Variants in PRDM16 observed in about 807,000 individuals in gnomAD.
The protein encoded by PRDM16 is histone-lysine N-methyltransferase PRDM16.
In PRDM16, 23 loss-of-function variants were observed where a neutral mutation model predicts 110.6. That is an observed-to-expected ratio of 0.21 (90% CI 0.15 to 0.29). The LOEUF (loss-of-function observed/expected upper bound fraction) is 0.29. Ranked by LOEUF, PRDM16 falls within the 10% of genes least tolerant of loss-of-function variation. The pLI, the probability that PRDM16 is intolerant of heterozygous loss-of-function variation, is 1.00. For missense variants in PRDM16, 1,615 were observed against 1,794.3 expected, an observed-to-expected ratio of 0.90 and a Z score of 1.81; for synonymous variants, 799 against 781.8, an observed-to-expected ratio of 1.02 and a Z score of -0.37.
intron 3 of PRDM16, among the ~76,000 whole-genome samples, chr1:3,275,388 T>G (rs1244912879): frequency 6.6e-6 from 1 of 152,220 alleles, no homozygotes; most frequent in Admixed American, 6.5e-5. Flanking sequence ...CCTTCCTGCC[T>G]GCCTGTCTCT....
chr1:3,388,335 A>G (rs1345960761), intron 4 of PRDM16, among the ~76,000 whole-genome samples: 1 of 152,030 alleles, frequency 6.6e-6, no homozygotes, highest in Non-Finnish European at 1.5e-5. Flanking sequence ...AAGATTGCAC[A>G]CACACCCCCA....
chr1:3,071,377 G>C lies in PRDM16; in HGVS notation c.37+2081G>C, dbSNP rs889023831. Reference sequence around the variant, plus strand: ...GAGAGCCGGGCCCAGCGGGAGCGCCGAGCGCTGGCTTCCTTTTCCCGAGAG... The same window carrying C: ...GAGAGCCGGGCCCAGCGGGAGCGCCCAGCGCTGGCTTCCTTTTCCCGAGAG... On this transcript the variant is annotated intron_variant, in intron 1 of 16. Transcript: ENST00000270722. Among the ~76,000 whole-genome samples the C allele has an allele frequency of 2.0e-5, 3 of 152,374 alleles. No homozygotes were observed. The South Asian group carries it at 6.2e-4, about 32-fold the overall frequency.
intron 12 of PRDM16, among the ~76,000 whole-genome samples, chr1:3,422,276 C>G (rs1638460229): frequency 6.6e-6 from 1 of 150,608 alleles, no homozygotes; most frequent in Non-Finnish European, 1.5e-5. Context: ...GGTGGACAGA[C>G]AGATGGACAG....
At chr1:3,173,045 G>A (rs1328198911) in intron 1 of PRDM16, among the ~76,000 whole-genome samples, 1 of 152,228 alleles carries the variant, frequency 6.6e-6, no homozygotes, top group Non-Finnish European at 1.5e-5. Context: ...CCTGGTATTT[G>A]AGGGGTCCAG....
intron 3 of PRDM16, among the ~76,000 whole-genome samples, chr1:3,276,670 A>AACAGAGCCAGCGAGG (rs1640589764): frequency 1.4e-5 from 2 of 143,862 alleles, no homozygotes; most frequent in Admixed American, 6.8e-5. Context: ...AGCCAGCTCG[A>AACAGAGCCAGCGAGG]GGTGCCGTGA....
At chr1:3,393,085 A>C (rs1371134859) in intron 4 of PRDM16, among the ~76,000 whole-genome samples, 3 of 152,250 alleles carry the variant, frequency 2.0e-5, no homozygotes, top group African/African-American at 7.2e-5. Flanking sequence ...CATTTACAGC[A>C]GACATTTATT....
At chr1:3,120,359 G>A (rs1034321501) in intron 1 of PRDM16, among the ~76,000 whole-genome samples, 4 of 152,166 alleles carry the variant, frequency 2.6e-5, no homozygotes, top group South Asian at 4.1e-4. Flanking sequence ...GGTCGTCACC[G>A]CAGAAGGGAG....
intron 2 of PRDM16, among the ~76,000 whole-genome samples, chr1:3,222,678 C>T (rs952861596): frequency 3.3e-5 from 5 of 152,340 alleles, no homozygotes; most frequent in East Asian, 1.9e-4. Context: ...GACTCTGGGG[C>T]GGACTGGGCA....
At chr1:3,415,838 G>A (rs1005265602) in intron 10 of PRDM16, among the ~76,000 whole-genome samples, 6 of 152,218 alleles carry the variant, frequency 3.9e-5, no homozygotes, top group African/African-American at 7.2e-5. Context: ...ATGGTCTAAG[G>A]TTGGGCTGTC....
intron 3 of PRDM16, among the ~76,000 whole-genome samples, chr1:3,304,688 C>T (rs1641274413): frequency 6.6e-6 from 1 of 152,282 alleles, no homozygotes; most frequent in African/African-American, 2.4e-5. Flanking sequence ...AGGGCAGTGT[C>T]GGTGTCTCTG....
At chr1:3,366,474 T>C (rs1483399744) in intron 3 of PRDM16, among the ~76,000 whole-genome samples, 2 of 152,220 alleles carry the variant, frequency 1.3e-5, no homozygotes, top group Non-Finnish European at 2.9e-5. Context: ...CGACCAGGGC[T>C]GTGCAGCGGG....
chr1:3,144,658 C>T (rs1643612227), intron 1 of PRDM16, among the ~76,000 whole-genome samples: 1 of 152,338 alleles, frequency 6.6e-6, no homozygotes, highest in African/African-American at 2.4e-5. Context: ...GGAGAGGAAA[C>T]CAAGGCGTGG....
chr1:3,172,773 G>C (rs1644040556), intron 1 of PRDM16, among the ~76,000 whole-genome samples: 1 of 152,322 alleles, frequency 6.6e-6, no homozygotes, highest in East Asian at 1.9e-4. Context: ...GTAGAATGGT[G>C]GCTGCCGGGG....
intron 3 of PRDM16, among the ~76,000 whole-genome samples, chr1:3,293,817 T>C (rs1221764487): frequency 6.6e-6 from 1 of 152,186 alleles, no homozygotes; most frequent in East Asian, 1.9e-4. Flanking sequence ...GGCTTCTCCA[T>C]CTCCTGGTGA....
intron 2 of PRDM16, among the ~76,000 whole-genome samples, chr1:3,200,241 G>A (rs920681351): frequency 3.3e-5 from 5 of 152,258 alleles, no homozygotes; most frequent in Non-Finnish European, 7.3e-5. Context: ...GCCGGCCGAG[G>A]CTGCCCTGGA....
intron 1 of PRDM16, among the ~76,000 whole-genome samples, chr1:3,180,912 A>ACACGGCCTCACACG (rs1644145849): frequency 2.0e-5 from 3 of 150,834 alleles, no homozygotes; most frequent in African/African-American, 7.4e-5. Context: ...GCAGTCTTAC[A>ACACGGCCTCACACG]CGCAGCCTTA....
At chr1:3,351,440 A>T (rs1443983547) in intron 3 of PRDM16, among the ~76,000 whole-genome samples, 1 of 141,618 alleles carries the variant, frequency 7.1e-6, no homozygotes, top group Non-Finnish European at 1.5e-5. Context: ...AGGGAGCAGC[A>T]CAGGGACATA....
chr1:3,069,236 A>C lies in PRDM16; in HGVS notation c.-24A>C, dbSNP rs778118390. ...GCTGCTTCTGGACTCAAGGAGGAGGAGAGAGATTCCGCGAGCCGACACCAT... is the reference window on the plus strand; with the variant it reads ...GCTGCTTCTGGACTCAAGGAGGAGGCGAGAGATTCCGCGAGCCGACACCAT... On this transcript the variant is annotated 5_prime_UTR_variant, in exon 1 of 17. Coordinates refer to ENST00000270722, the MANE Select transcript of PRDM16 (RefSeq NM_022114.4). This position sits in a 1 kb window ranked among gnomAD's most constrained non-coding sequence, Gnocchi z 6.1. 1 of 1,577,200 alleles carries C rather than the reference A, an allele frequency of 6.3e-7. No homozygotes were observed. Among genetic ancestry groups the C allele is most frequent in the South Asian group, 1.1e-5 (1 of 87,340 alleles).
At position 3,069,497 on chromosome 1, in the gene PRDM16, G is replaced by A. The variant is rs1173795119; in HGVS notation, c.37+201G>A. Among the ~76,000 whole-genome samples the A allele has an allele frequency of 6.8e-6, 1 of 146,230 alleles. No homozygotes were observed. The highest frequency in any genetic ancestry group is 1.5e-5 in the Non-Finnish European group (1 of 65,848). ...TCGGCGCGGAGGCTCGGGGCGCCCG[G>A]GCCGCGCGCTCCCCGAAGGCGCCGG... On this transcript the variant is annotated intron_variant, in intron 1 of 16. Transcript: ENST00000270722. This position sits in a 1 kb window ranked among gnomAD's most constrained non-coding sequence, Gnocchi z 6.1.
Sources: gnomAD v4.1 joint callset for allele counts (sites outside exome capture counted in the v4.1 genomes callset) on GRCh38, gnomAD v4.1.1 for gene constraint, Gnocchi (gnomAD v3.1) non-coding constraint, MANE v1.5 for transcripts, NCBI Gene and HGNC (gene_info 2026-07-23, HGNC 2026-07-21) for gene names.